The following PCDHGA5 variants were observed in gnomAD, a reference collection of about 807,000 sequenced individuals.
The protein encoded by PCDHGA5 is protocadherin gamma subfamily A, 5, also known as protocadherin gamma-A5.
Under a neutral mutation model 56.7 loss-of-function variants are expected in PCDHGA5, and 36 were observed. That is an observed-to-expected ratio of 0.64 (90% confidence interval 0.49 to 0.84). The LOEUF (loss-of-function observed/expected upper bound fraction) is 0.84. PCDHGA5 is among the 40% of genes least tolerant of loss of function. The pLI is 0.00. For synonymous variants in PCDHGA5, 563 were observed against 520.2 expected (o/e 1.08, Z -1.12); for missense variants, 1,305 against 1,201.5 (o/e 1.09, Z -1.27).
In PCDHGA5 at chr5:141,490,670, C is replaced by A. The variant is rs1003577285; in HGVS notation, c.2422-4137C>A. ...CCGGGCTCCCTTCTTTGCACTGTGG[C>A]TGCCTCAGATCCAGACACTGGGGAT... On this transcript the variant is annotated intron_variant, in intron 1 of 3. Coordinates refer to ENST00000518069, the MANE Select transcript of PCDHGA5 (RefSeq NM_018918.3). This position sits in a 1 kb window ranked among gnomAD's most constrained non-coding sequence, Gnocchi z 5.4. 4 of 1,614,194 alleles carry A rather than the reference C, an allele frequency of 2.5e-6. No homozygotes were observed. The highest frequency in any genetic ancestry group is 3.4e-6 in the Non-Finnish European group (4 of 1,179,986).
chr5:141,505,681 G>A (rs113733387), intron 3 of PCDHGA5, among the ~76,000 whole-genome samples, 200 bp downstream of exon 3: 92 of 152,324 alleles, frequency 6.0e-4, no homozygotes, highest in African/African-American at 2.1e-3. Flanking sequence ...GGGGTCCTGG[G>A]ATGCCTGGAG....
chr5:141,394,238 T>G, intron 1 of PCDHGA5: 1 of 1,613,934 alleles, frequency 6.2e-7, no homozygotes, highest in Non-Finnish European at 8.5e-7. Context: ...TTTCCTTGAC[T>G]GCACACGACC....
rs1201654822 is a variant in PCDHGA5, at chr5:141,476,876, C to T, written c.2422-17931C>T. ...CCAGTCCTTGTACCGGGCGCGCGTC[C>T]TGGAGGATGCACCCTCCGGCACGCG... On this transcript the variant is annotated intron_variant, in intron 1 of 3. Transcript: ENST00000518069. The surrounding 1 kb of genome is among the most constrained non-coding windows in gnomAD (Gnocchi z 7.6). 6.2e-7 allele frequency: 1 copy of T among 1,613,876 alleles called. No homozygotes were observed. The highest frequency in any genetic ancestry group is 1.7e-5 in the Admixed American group (1 of 60,018).
chr5:141,458,567 TTTTG>T (rs144471304), intron 1 of PCDHGA5, among the ~76,000 whole-genome samples: 42,006 of 151,504 alleles, frequency 0.28, 6,493 homozygotes, highest in African/African-American at 0.43. Context: ...GGTTTTGGGT[TTTTG>T]TTTGTTTGTT....
rs535152193 is a variant in PCDHGA5, at chr5:141,422,906, C to G, written c.2421+56155C>G. ...TTCGTGCTGGACCAGAACGACAATG[C>G]GCCCGAGATCCTGTACCCTGCCCTC... On this transcript the variant is annotated intron_variant, in intron 1 of 3. Transcript: ENST00000518069. 6 of 1,614,264 alleles carry G rather than the reference C, an allele frequency of 3.7e-6. No homozygotes were observed. The South Asian group carries it at 6.6e-5, about 18-fold the overall frequency.
chr5:141,511,713 C>T lies in PCDHGA5; in HGVS notation c.*540C>T. 5.4e-6 allele frequency: 1 copy of T among 186,446 alleles called. No individual in the cohort carries two copies. Among genetic ancestry groups the T allele is most frequent in the Admixed American group, 5.3e-5 (1 of 18,840 alleles). The allele number at this position is 186,446 out of a possible 1,614,324, so 11.5% of individuals were successfully genotyped here. ...TTGGTGCCAGCCCCTTCACCTCCTT[C>T]CAGAGCCCAAGATCAATGCTCAAGT... On this transcript the variant is annotated 3_prime_UTR_variant, in exon 4 of 4. Transcript: ENST00000518069.
In PCDHGA5 at chr5:141,505,471, G is replaced by A. The variant is rs766596231; in HGVS notation, c.2559G>A (p.Ala853=). The A allele has an allele frequency of 3.4e-5, 55 of 1,614,244 alleles. No individual in the cohort carries two copies. The highest frequency in any genetic ancestry group is 1.1e-4 in the East Asian group (5 of 44,880). ...AGATGCTGCAAGCCATGATCTTGGCGTCCGCCAGTGGTAAGTGGTGTCAGT... is the reference window on the plus strand; with the variant it reads ...AGATGCTGCAAGCCATGATCTTGGCATCCGCCAGTGGTAAGTGGTGTCAGT... ...DTEMLQAMIL[A]SASEAADGSS... Residue 853 remains alanine (A), a synonymous_variant, in exon 3 of 4, where the codon GCG becomes GCA. Coordinates refer to ENST00000518069, the MANE Select transcript of PCDHGA5 (RefSeq NM_018918.3).
At chr5:141,442,837 A>G (rs2098346617) in intron 1 of PCDHGA5, among the ~76,000 whole-genome samples, 1 of 152,202 alleles carries the variant, frequency 6.6e-6, no homozygotes, top group Admixed American at 6.5e-5. Flanking sequence ...GGGAGGGACA[A>G]ATCTTGGCCA....
In PCDHGA5 at chr5:141,414,051, A is replaced by G. The variant is rs747091153; in HGVS notation, c.2421+47300A>G. ...CATTCCGAAAATTACCTGACACGCA[A>G]TTGTTGAAGTTCCAACTAAACAAAT... On this transcript the variant is annotated intron_variant, in intron 1 of 3. Coordinates refer to ENST00000518069, the MANE Select transcript of PCDHGA5 (RefSeq NM_018918.3). 5.0e-6 allele frequency: 8 copies of G among 1,610,748 alleles called. No individual in the cohort carries two copies. The Admixed American group carries it at 8.4e-5, about 17-fold the overall frequency.
At chr5:141,438,635 T>TATAC (rs1460604450) in intron 1 of PCDHGA5, among the ~76,000 whole-genome samples, 1 of 33,416 alleles carries the variant, frequency 3.0e-5, no homozygotes, top group Admixed American at 4.2e-4. Context: ...TATATATATA[T>TATAC]ACACACACAC....
intron 1 of PCDHGA5, chr5:141,423,752 G>GC: frequency 1.6e-6 from 1 of 644,956 alleles, no homozygotes; most frequent in East Asian, 1.1e-4. Context: ...AAACTGTTTG[G>GC]GGGGGGGGTG....
In PCDHGA5 at chr5:141,364,445, C is replaced by A. The variant is rs1369788855; in HGVS notation, c.115C>A (p.Leu39Met). The A allele has an allele frequency of 4.3e-6, 7 of 1,613,802 alleles. No individual in the cohort carries two copies. Among genetic ancestry groups the A allele is most frequent in the Non-Finnish European group, 5.9e-6 (7 of 1,179,850 alleles). The stretch of plus-strand genomic sequence containing the variant: ...GATCCGCTACTCGATGCCGGAGGAG[C>A]TGGACAAAGGCTCCTTCGTCGGCAA... ...GQIRYSMPEELDKGSFVGNIA... is the reference protein window; with the variant it reads ...GQIRYSMPEEMDKGSFVGNIA... The change falls in exon 1 of 4, where the codon CTG (leucine) becomes ATG (methionine). Residue 39 changes from leucine to methionine, a missense_variant. Transcript: ENST00000518069.
chr5:141,477,312 T>G lies in PCDHGA5; in HGVS notation c.2422-17495T>G. On this transcript the variant is annotated intron_variant, in intron 1 of 3. Coordinates refer to ENST00000518069, the MANE Select transcript of PCDHGA5 (RefSeq NM_018918.3). This position sits in a 1 kb window ranked among gnomAD's most constrained non-coding sequence, Gnocchi z 4.9. ...GTTCCACCGGGTCTCCCTTTCAGCC[T>G]TACTTCTTCCCTCAAGAATTACTTC... The G allele has an allele frequency of 1.2e-6, 2 of 1,614,162 alleles. No individual in the cohort carries two copies. The highest frequency in any genetic ancestry group is 1.7e-6 in the Non-Finnish European group (2 of 1,180,032).
In PCDHGA5 at chr5:141,485,792, G is replaced by A. The variant is rs114766079; in HGVS notation, c.2422-9015G>A. The A allele has an allele frequency of 6.2e-7, 1 of 1,614,236 alleles. No homozygotes were observed. Among genetic ancestry groups the A allele is most frequent in the East Asian group, 2.2e-5 (1 of 44,880 alleles). ...GCCTTTGGATCGAGAGAAGCAATCG[G>A]ACTACCGCCTGGTGCTGACTGCTGT... On this transcript the variant is annotated intron_variant, in intron 1 of 3. Coordinates refer to ENST00000518069, the MANE Select transcript of PCDHGA5 (RefSeq NM_018918.3). This position sits in a 1 kb window ranked among gnomAD's most constrained non-coding sequence, Gnocchi z 5.7.
chr5:141,375,987 G>A, intron 1 of PCDHGA5: 1 of 1,613,458 alleles, frequency 6.2e-7, no homozygotes, highest in Non-Finnish European at 8.5e-7. Context: ...CTGCTGGACA[G>A]AGACGCGCTC....
intron 1 of PCDHGA5, chr5:141,389,423 C>T: frequency 1.9e-6 from 3 of 1,613,516 alleles, no homozygotes; most frequent in Admixed American, 1.7e-5. Context: ...GGGTGGTGTT[C>T]GCGCAGCGCG....
At chr5:141,404,408 A>G in intron 1 of PCDHGA5, 1 of 1,613,900 alleles carries the variant, frequency 6.2e-7, no homozygotes, top group Non-Finnish European at 8.5e-7. Flanking sequence ...TGAGAATTCT[A>G]GAGTTATTTA....
chr5:141,405,994 C>T (rs2094743060), intron 1 of PCDHGA5, among the ~76,000 whole-genome samples: 1 of 151,930 alleles, frequency 6.6e-6, no homozygotes, highest in African/African-American at 2.4e-5. Context: ...GGGTAGCTCT[C>T]AGCCTGCATT....
intron 1 of PCDHGA5, chr5:141,475,917 C>T (rs1012431912): frequency 1.7e-6 from 1 of 599,962 alleles, no homozygotes. Context: ...AATGAAGACG[C>T]TGGAGATCGG....
Sources: gnomAD v4.1 joint callset for allele counts (sites outside exome capture counted in the v4.1 genomes callset) on GRCh38, gnomAD v4.1.1 for gene constraint, Gnocchi (gnomAD v3.1) non-coding constraint, MANE v1.5 for transcripts, NCBI Gene and HGNC (gene_info 2026-07-23, HGNC 2026-07-21) for gene names.